The following COL22A1 variants were observed in gnomAD, a reference collection of about 807,000 sequenced individuals.
COL22A1 encodes the protein collagen type XXII alpha 1 chain.
Under a neutral mutation model 248.9 loss-of-function variants are expected in COL22A1, and 221 were observed. The observed-to-expected ratio is 0.89, with a 90% confidence interval of 0.80 to 0.99. The LOEUF is 0.99. COL22A1 is among the 50% of genes least tolerant of loss of function. The pLI, the probability that COL22A1 is intolerant of heterozygous loss-of-function variation, is 0.00. For synonymous variants in COL22A1, 891 were observed against 793.4 expected, an observed-to-expected ratio of 1.12 and a Z score of -2.07; for missense variants, 2,240 against 2,179.0, an observed-to-expected ratio of 1.03 and a Z score of -0.56.
At chr8:138,592,876 C>T (rs1474662051) in intron 63 of COL22A1, among the ~76,000 whole-genome samples, 1 of 152,100 alleles carries the variant, frequency 6.6e-6, no homozygotes, top group East Asian at 1.9e-4. Context: ...ATTTTTTAAA[C>T]AACCTTTTAT....
In COL22A1 at chr8:138,646,618, G is replaced by A; in HGVS notation, c.3501+11C>T. ...ATAGATCCATGCAGATGGTTATGAA[G>A]TCTCACTGACCTGTGGTCCAGCTAT... On this transcript the variant is annotated intron_variant, in intron 47 of 64. Transcript: ENST00000303045. 1 of 1,574,800 alleles carries A rather than the reference G, an allele frequency of 6.4e-7. No individual in the cohort carries two copies. The highest frequency in any genetic ancestry group is 1.2e-5 in the South Asian group (1 of 84,708).
At chr8:138,884,869 T>C (rs553558127) in intron 1 of COL22A1, among the ~76,000 whole-genome samples, 1 of 149,940 alleles carries the variant, frequency 6.7e-6, no homozygotes, top group South Asian at 2.1e-4. Flanking sequence ...CAATCTAAAA[T>C]GTTAAAAGGA....
chr8:138,704,403 C>T (rs955229532), intron 30 of COL22A1, among the ~76,000 whole-genome samples: 4 of 152,194 alleles, frequency 2.6e-5, no homozygotes, highest in Non-Finnish European at 2.9e-5. Flanking sequence ...CCTCATACAG[C>T]CAGATGCCCC....
chr8:138,771,125 T>C lies in COL22A1; in HGVS notation c.1803+4841A>G, dbSNP rs554425710. Among the ~76,000 whole-genome samples, 4 of 152,326 alleles carry C rather than the reference T, an allele frequency of 2.6e-5. No individual in the cohort carries two copies. In the East Asian group the frequency reaches 7.7e-4, roughly 29 times the overall value. ...CCAGGATCACAGTGCAGGGCTGCTC[T>C]AGCCACGGCCACGTCACCTGGTGCA... On this transcript the variant is annotated intron_variant, in intron 16 of 64. Transcript: ENST00000303045.
intron 21 of COL22A1, among the ~76,000 whole-genome samples, chr8:138,752,446 C>T (rs368431297): frequency 5.9e-5 from 9 of 152,300 alleles, no homozygotes; most frequent in East Asian, 1.9e-4. Flanking sequence ...CTCTTAATAA[C>T]GCCATGTAAA....
intron 3 of COL22A1, among the ~76,000 whole-genome samples, chr8:138,869,526 G>T (rs996408373): frequency 6.6e-6 from 1 of 152,086 alleles, no homozygotes; most frequent in Non-Finnish European, 1.5e-5. Flanking sequence ...CGGTTCCAGG[G>T]GTCATCTCCA....
rs138904812 is a variant in COL22A1 at position 138,592,261 on chromosome 8, G to T, written c.4616-760C>A. 1.2e-3 allele frequency among the ~76,000 whole-genome samples: 189 copies of T among 152,318 alleles called. 1 individual carries two copies. Among genetic ancestry groups the T allele is most frequent in the African/African-American group, 4.4e-3 (181 of 41,578 alleles). On this transcript the variant is annotated intron_variant, in intron 63 of 64. Transcript: ENST00000303045. ...AGATCATATTTGAATGAAGATAGTGGAGATTGGATTAAACTGTCTCTCACC... is the reference window on the plus strand; with the variant it reads ...AGATCATATTTGAATGAAGATAGTGTAGATTGGATTAAACTGTCTCTCACC...
At position 138,737,514 on chromosome 8, in the gene COL22A1, AG is replaced by A. The variant is rs772797587; in HGVS notation, c.2139+9del. The stretch of plus-strand genomic sequence containing the variant: ...GCGTTGCTATGGAAGAGAATGTAAA[AG>A]GTAGTTACCTGCAGCCCCAGCAATC... On this transcript the variant is annotated intron_variant, in intron 23 of 64. Coordinates refer to ENST00000303045, the MANE Select transcript of COL22A1 (RefSeq NM_152888.3). The A allele has an allele frequency of 1.3e-6, 2 of 1,592,158 alleles. No individual in the cohort carries two copies. The highest frequency in any genetic ancestry group is 1.7e-6 in the Non-Finnish European group (2 of 1,160,224).
At chr8:138,737,962 T>C (rs1410001404) in intron 22 of COL22A1, among the ~76,000 whole-genome samples, 1 of 152,092 alleles carries the variant, frequency 6.6e-6, no homozygotes, top group East Asian at 1.9e-4. Flanking sequence ...ATTTTATGCA[T>C]TGGTAAGCCT....
chr8:138,606,561 A>G, intron 57 of COL22A1, 109 bp from the exon 58 acceptor site: 1 of 1,047,712 alleles, frequency 9.5e-7, no homozygotes, highest in South Asian at 1.4e-5. Context: ...CATCCACACA[A>G]CACACAAATC....
At chr8:138,672,721 G>A (rs1349883213) in intron 41 of COL22A1, among the ~76,000 whole-genome samples, 2 of 152,218 alleles carry the variant, frequency 1.3e-5, no homozygotes, top group Non-Finnish European at 1.5e-5. Context: ...GGCAAAGGCA[G>A]GGAAGCAGGT....
chr8:138,725,431 C>A lies in COL22A1; in HGVS notation c.2149G>T (p.Gly717Ter), dbSNP rs750589174. ...PGLLGLQGPP[G>*]PPGVPGPPGP... is the part of the protein sequence containing the mutation. ...GGGGGGCCTGGGACACCAGGGGGTC[C>A]TGGAGGGCCCTGTAGAGAAAGAGCA... The change falls in exon 24 of 65, where the codon GGA becomes TGA. Residue 717 changes from glycine (G) to a stop codon, truncating the protein, a stop_gained. Transcript: ENST00000303045. LOFTEE classifies it high-confidence loss of function. 4.3e-6 allele frequency: 7 copies of A among 1,613,870 alleles called. No homozygotes were observed. In the South Asian group the frequency reaches 7.7e-5, roughly 18 times the overall value.
intron 11 of COL22A1, among the ~76,000 whole-genome samples, chr8:138,799,582 G>C (rs1386112205): frequency 6.6e-6 from 1 of 151,976 alleles, no homozygotes; most frequent in African/African-American, 2.4e-5. Context: ...CATGGCCTTG[G>C]ACCTGTACAT....
intron 57 of COL22A1, 49 bp from the exon 58 acceptor site, chr8:138,606,501 C>A: frequency 1.3e-6 from 2 of 1,574,260 alleles, no homozygotes; most frequent in South Asian, 1.1e-5. Context: ...CGTACCAACT[C>A]AAGCAGATTT....
At chr8:138,762,750 C>T (rs542583538) in intron 16 of COL22A1, among the ~76,000 whole-genome samples, 2 of 109,002 alleles carry the variant, frequency 1.8e-5, no homozygotes, top group South Asian at 3.8e-4. Context: ...CACACAGTCT[C>T]TTCATCTCAC....
At chr8:138,765,839 G>A (rs1024708306) in intron 16 of COL22A1, among the ~76,000 whole-genome samples, 2 of 152,196 alleles carry the variant, frequency 1.3e-5, no homozygotes, top group African/African-American at 2.4e-5. Context: ...CTGCACAGCT[G>A]TGTGTCCTCT....
intron 12 of COL22A1, among the ~76,000 whole-genome samples, chr8:138,786,964 A>G (rs956892762): frequency 5.9e-5 from 9 of 152,356 alleles, no homozygotes; most frequent in African/African-American, 1.9e-4. Context: ...CTGCCTATTC[A>G]TCTTCCACCA....
rs760712555 is a variant in COL22A1, at chr8:138,679,639, GCA to G, written c.3048_3049del (p.Ala1017ThrfsTer7). ...GACCTTAACACATTGCCCTCCCAGT[GCA>G]CAGTTTTCTGACCCTCTGACTTTTC... On this transcript the variant is annotated frameshift_variant, in exon 40 of 65. Coordinates refer to ENST00000303045, the MANE Select transcript of COL22A1 (RefSeq NM_152888.3). LOFTEE classifies it high-confidence loss of function. 3.7e-4 allele frequency: 592 copies of G among 1,614,012 alleles called. 1 individual carries two copies. In the Admixed American group the frequency reaches 4.4e-3, roughly 12 times the overall value.
At chr8:138,868,937 G>A (rs1323669359) in intron 3 of COL22A1, among the ~76,000 whole-genome samples, 1 of 152,056 alleles carries the variant, frequency 6.6e-6, no homozygotes, top group Admixed American at 6.6e-5. Flanking sequence ...TCACCATATT[G>A]GTCAGGCTGA....
Sources: gnomAD v4.1 joint callset for allele counts (sites outside exome capture counted in the v4.1 genomes callset) on GRCh38, gnomAD v4.1.1 for gene constraint, MANE v1.5 for transcripts, NCBI Gene and HGNC (gene_info 2026-07-23, HGNC 2026-07-21) for gene names.